Variants in PHACTR4 observed in about 807,000 individuals in gnomAD.
PHACTR4 encodes phosphatase and actin regulator 4, also known as protein phosphatase 1, regulatory subunit 124.
Under a neutral mutation model 72.7 loss-of-function variants are expected in PHACTR4, and 51 were observed. That is an observed-to-expected ratio of 0.70 (90% CI 0.56 to 0.89). The LOEUF is 0.89. PHACTR4 is among the 40% of genes least tolerant of loss of function. PHACTR4 has a pLI of 0.00. For missense variants in PHACTR4, 731 were observed against 861.8 expected, an observed-to-expected ratio of 0.85 and a Z score of 1.90; for synonymous variants, 255 against 302.5, an observed-to-expected ratio of 0.84 and a Z score of 1.63.
At chr1:28,481,662 C>T (rs543491532) in intron 9 of PHACTR4, among the ~76,000 whole-genome samples, 1 of 151,484 alleles carries the variant, frequency 6.6e-6, no homozygotes, top group East Asian at 2.0e-4. Context: ...TGGTGGCATG[C>T]GCCTATAGTC....
chr1:28,416,372 A>G (rs1655107845), intron 2 of PHACTR4, among the ~76,000 whole-genome samples: 2 of 152,192 alleles, frequency 1.3e-5, no homozygotes, highest in African/African-American at 2.4e-5. Flanking sequence ...CACACAATAC[A>G]TATCTGTATG....
Position 28,431,110 on chromosome 1 carries a change from C to T in PHACTR4, c.16+23647C>T, listed in dbSNP as rs911349497. Among the ~76,000 whole-genome samples, 4 of 148,798 alleles carry T rather than the reference C, an allele frequency of 2.7e-5. No individual in the cohort carries two copies. In the East Asian group the frequency reaches 6.2e-4, roughly 23 times the overall value. ...AGGAGAATGGAGTGTATCCAGGAGG[C>T]GGAGCTTGCAGTGAGCTGAGATCGC... On this transcript the variant is annotated intron_variant, in intron 2 of 13. Transcript: ENST00000373839.
At chr1:28,383,132 A>G (rs1272077694) in intron 1 of PHACTR4, among the ~76,000 whole-genome samples, 2 of 152,074 alleles carry the variant, frequency 1.3e-5, no homozygotes, top group South Asian at 2.1e-4. Flanking sequence ...CTCATTGCCT[A>G]TTTTTGTCTG....
At chr1:28,390,054 T>A (rs1043978288) in intron 1 of PHACTR4, among the ~76,000 whole-genome samples, 12 of 152,222 alleles carry the variant, frequency 7.9e-5, no homozygotes, top group Admixed American at 7.9e-4. Context: ...AAGGGAATCT[T>A]GTCATTTGGG....
Position 28,474,080 on chromosome 1 carries a change from C to T in PHACTR4, c.1350C>T (p.Asp450=). Residue 450 remains aspartate, a synonymous_variant, in exon 7 of 14, where the codon GAC becomes GAT. Transcript: ENST00000373839. The stretch of plus-strand genomic sequence containing the variant: ...ATTCGTTGCTTTTTGAAAACAGTGA[C>T]AGCTTTTCTGAGGACAGCAGTACGC... The part of the protein sequence containing the change: ...RAHSLLFENS[D]SFSEDSSTLG... 1 of 1,614,180 alleles carries T rather than the reference C, an allele frequency of 6.2e-7. No homozygotes were observed. Among genetic ancestry groups the T allele is most frequent in the Non-Finnish European group, 8.5e-7 (1 of 1,180,034 alleles).
intron 4 of PHACTR4, among the ~76,000 whole-genome samples, chr1:28,462,771 A>G (rs1436531898): frequency 6.6e-6 from 1 of 152,232 alleles, no homozygotes; most frequent in Non-Finnish European, 1.5e-5. Flanking sequence ...ACAAGATGCC[A>G]TTCTGCCAAC....
At chr1:28,477,992 T>C (rs1405076695) in intron 8 of PHACTR4, among the ~76,000 whole-genome samples, 1 of 152,036 alleles carries the variant, frequency 6.6e-6, no homozygotes, top group Non-Finnish European at 1.5e-5. Flanking sequence ...CCGGCCTAGA[T>C]CTTATTTCTT....
intron 11 of PHACTR4, 55 bp downstream of exon 11, chr1:28,491,067 T>C: frequency 6.5e-7 from 1 of 1,546,696 alleles, no homozygotes; most frequent in Non-Finnish European, 8.9e-7. Flanking sequence ...GATGGCCTAT[T>C]TGATTGGAAA....
intron 1 of PHACTR4, among the ~76,000 whole-genome samples, chr1:28,391,767 A>C (rs949508005): frequency 6.6e-6 from 1 of 151,690 alleles, no homozygotes; most frequent in Non-Finnish European, 1.5e-5. Flanking sequence ...CACCATGCCC[A>C]GCTAATTTTT....
At chr1:28,377,929 G>A (rs1468739960) in intron 1 of PHACTR4, among the ~76,000 whole-genome samples, 1 of 152,006 alleles carries the variant, frequency 6.6e-6, no homozygotes, top group Non-Finnish European at 1.5e-5. Flanking sequence ...CAGATGTGTT[G>A]GCTCACGCCT....
At chr1:28,487,518 CAA>C (rs796633179) in intron 9 of PHACTR4, among the ~76,000 whole-genome samples, 2 of 77,334 alleles carry the variant, frequency 2.6e-5, no homozygotes, top group Admixed American at 1.6e-4. Flanking sequence ...GACACACACA[CAA>C]AAAAAAAAAA....
rs558859556 is a variant in PHACTR4 at position 28,403,990 on chromosome 1, C to G, written c.-38-3420C>G. On this transcript the variant is annotated intron_variant, in intron 1 of 13. Transcript: ENST00000373839. ...GTGGAAAGACACTGGGTGGTTTTCA[C>G]TTTTTAGCTATTATGAATAATGCTG... Among the ~76,000 whole-genome samples the G allele has an allele frequency of 2.8e-4, 42 of 152,268 alleles. No individual in the cohort carries two copies. In the Middle Eastern group the frequency reaches 0.017, roughly 62 times the overall value.
chr1:28,391,708 C>T (rs573315347), intron 1 of PHACTR4, among the ~76,000 whole-genome samples: 2 of 146,706 alleles, frequency 1.4e-5, no homozygotes, highest in African/African-American at 2.5e-5. Context: ...CAGGTTCAAG[C>T]GATTCTCCTG....
chr1:28,441,489 A>T (rs575003195), intron 2 of PHACTR4, among the ~76,000 whole-genome samples: 2 of 152,350 alleles, frequency 1.3e-5, no homozygotes, highest in South Asian at 4.1e-4. Context: ...TTGCATGAGG[A>T]TTCATATGCA....
At chr1:28,421,429 T>A (rs1207832413) in intron 2 of PHACTR4, among the ~76,000 whole-genome samples, 1 of 152,088 alleles carries the variant, frequency 6.6e-6, no homozygotes, top group Non-Finnish European at 1.5e-5. Context: ...AACCAGTGTT[T>A]TATCTTGCGG....
At chr1:28,386,596 G>C (rs1358167052) in intron 1 of PHACTR4, among the ~76,000 whole-genome samples, 3 of 152,002 alleles carry the variant, frequency 2.0e-5, no homozygotes, top group Non-Finnish European at 4.4e-5. Flanking sequence ...TATGAATCTG[G>C]GTGCTCCTAT....
intron 8 of PHACTR4, among the ~76,000 whole-genome samples, chr1:28,477,248 G>A (rs1275141843): frequency 1.3e-5 from 2 of 151,864 alleles, no homozygotes; most frequent in Admixed American, 6.6e-5. Context: ...ACTAGGCCCA[G>A]CTAATTTTTT....
chr1:28,486,801 G>A (rs536795244), intron 9 of PHACTR4, among the ~76,000 whole-genome samples: 2 of 151,960 alleles, frequency 1.3e-5, no homozygotes, highest in Non-Finnish European at 2.9e-5. Context: ...TGAGGTTGCA[G>A]TGAGCCAAGG....
At chr1:28,444,129 T>C (rs1657251257) in intron 2 of PHACTR4, among the ~76,000 whole-genome samples, 1 of 150,488 alleles carries the variant, frequency 6.6e-6, no homozygotes, top group African/African-American at 2.4e-5. Flanking sequence ...GCCTCCTAAC[T>C]GGGGTGAGAT....
Sources: allele counts gnomAD v4.1 joint callset (sites outside exome capture counted in the v4.1 genomes callset), GRCh38; gene constraint gnomAD v4.1.1; transcripts MANE v1.5; gene names NCBI Gene and HGNC (gene_info 2026-07-23, HGNC 2026-07-21).